The following ADNP variants were observed in gnomAD, a reference collection of about 807,000 sequenced individuals.
The protein encoded by ADNP is activity-dependent neuroprotector homeobox protein.
A neutral mutation model predicts 84.9 loss-of-function variants in ADNP; 4 were observed. That is an observed-to-expected ratio of 0.05 (90% CI 0.02 to 0.11). The LOEUF (loss-of-function observed/expected upper bound fraction) is 0.11. ADNP is among the 10% of genes least tolerant of loss of function. ADNP has a pLI of 1.00. For synonymous variants in ADNP, 554 were observed against 468.1 expected, an observed-to-expected ratio of 1.18 and a Z score of -2.37; for missense variants, 1,132 against 1,326.0, an observed-to-expected ratio of 0.85 and a Z score of 2.27.
intron 2 of ADNP, among the ~76,000 whole-genome samples, chr20:50,911,123 C>G (rs1030039256): frequency 1.3e-5 from 2 of 152,202 alleles, no homozygotes; most frequent in African/African-American, 4.8e-5. Flanking sequence ...AGTCAGACAG[C>G]TGGAATGAAA....
At chr20:50,927,944 ACAC>A (rs1048865884) in intron 2 of ADNP, among the ~76,000 whole-genome samples, 1 of 152,262 alleles carries the variant, frequency 6.6e-6, no homozygotes, top group Non-Finnish European at 1.5e-5. Flanking sequence ...TGCATATAAA[ACAC>A]CAAATAAAGA....
chr20:50,896,819 T>TA (rs1981444630), intron 5 of ADNP, among the ~76,000 whole-genome samples: 2 of 152,236 alleles, frequency 1.3e-5, no homozygotes, highest in South Asian at 4.1e-4. Context: ...TTACCAAGAA[T>TA]AAGCCCACGG....
Position 50,931,226 on chromosome 20 carries a change from G to C in ADNP, c.-665C>G, listed in dbSNP as rs1006549821. On this transcript the variant is annotated 5_prime_UTR_variant, in exon 1 of 6. Transcript: ENST00000621696. ...CCCTTAGCGCTGCCTGCGGGAGGGG[G>C]AGGGGGCACAAGATGGCGGCGGCCG... 2.1e-5 allele frequency: 3 copies of C among 143,232 alleles called. No homozygotes were observed. The highest frequency in any genetic ancestry group is 7.7e-5 in the African/African-American group (3 of 38,952). 8.9% of individuals were successfully genotyped at this position (143,232 alleles called of 1,614,324 possible).
chr20:50,917,589 A>AATACTCTAAGCATGTTCCC (rs1983613069), intron 2 of ADNP, among the ~76,000 whole-genome samples: 1 of 152,198 alleles, frequency 6.6e-6, no homozygotes, highest in Non-Finnish European at 1.5e-5. Context: ...TGTTCTTCTG[A>AATACTCTAAGCATGTTCCC]AAGTCCCTTG....
chr20:50,902,590 G>C (rs1454446564), intron 4 of ADNP, among the ~76,000 whole-genome samples: 1 of 152,102 alleles, frequency 6.6e-6, no homozygotes, highest in African/African-American at 2.4e-5. Flanking sequence ...AAGGCAGAAA[G>C]AAAGCTATTC....
chr20:50,930,780 A>AGGCAG (rs1386547205), intron 1 of ADNP, 46 bp downstream of exon 1: 1 of 149,454 alleles, frequency 6.7e-6, no homozygotes, highest in Non-Finnish European at 1.5e-5. Flanking sequence ...TCGGGAAGCC[A>AGGCAG]GGCAGGGCAG....
At chr20:50,907,434 T>A (rs1488520464) in intron 2 of ADNP, among the ~76,000 whole-genome samples, 1 of 151,940 alleles carries the variant, frequency 6.6e-6, no homozygotes, top group Admixed American at 6.6e-5. Flanking sequence ...ATCGTGCTAA[T>A]TTTTGTATTT....
In ADNP at chr20:50,908,188, T is replaced by G. The variant is rs892535344; in HGVS notation, c.-89-3339A>C. 2.0e-5 allele frequency among the ~76,000 whole-genome samples: 3 copies of G among 147,526 alleles called. No homozygotes were observed. In the East Asian group the frequency reaches 6.0e-4, roughly 30 times the overall value. On this transcript the variant is annotated intron_variant, in intron 2 of 5. Transcript: ENST00000621696. ...TTTTTGCTTTAAATACTTTTCTCAG[T>G]AGATAAAACAAGCACACAATTCAGA...
At chr20:50,930,145 T>C (rs1387804804) in intron 1 of ADNP, among the ~76,000 whole-genome samples, 1 of 152,150 alleles carries the variant, frequency 6.6e-6, no homozygotes, top group Non-Finnish European at 1.5e-5. Flanking sequence ...AAAATCTTTT[T>C]GCAGCTCTCT....
intron 2 of ADNP, among the ~76,000 whole-genome samples, chr20:50,919,721 AT>A (rs2122964830): frequency 6.6e-6 from 1 of 152,316 alleles, no homozygotes; most frequent in South Asian, 2.1e-4. Flanking sequence ...AAGAATCTGC[AT>A]TTACTGCAAA....
rs756518915 is a variant in ADNP at position 50,893,729 on chromosome 20, G to C, written c.985C>G (p.Gln329Glu). 5.0e-6 allele frequency: 8 copies of C among 1,614,056 alleles called. No individual in the cohort carries two copies. The Admixed American group carries it at 1.3e-4, about 27-fold the overall frequency. The change falls in exon 6 of 6, where the codon CAG becomes GAG. Residue 329 changes from glutamine (Q) to glutamate (E), a missense_variant. Coordinates refer to ENST00000621696, the MANE Select transcript of ADNP (RefSeq NM_001282531.3). The surrounding 1 kb of genome is among the most constrained non-coding windows in gnomAD (Gnocchi z 4.4). ...VNMMSSVHLQQNNYGVKSVGQ... is the reference protein window; with the variant it reads ...VNMMSSVHLQENNYGVKSVGQ... ...ACAGATTTGACTCCATAGTTGTTCTGCTGCAGATGAACACTGGACATCATG... is the reference window on the plus strand; with the variant it reads ...ACAGATTTGACTCCATAGTTGTTCTCCTGCAGATGAACACTGGACATCATG...
At chr20:50,901,152 C>T (rs1317175570) in intron 5 of ADNP, among the ~76,000 whole-genome samples, 4 of 151,916 alleles carry the variant, frequency 2.6e-5, no homozygotes, top group South Asian at 2.1e-4. Flanking sequence ...GTTTCAGATA[C>T]TGGTTTGAAC....
chr20:50,892,932 CTGTGGCTTTGGA>C lies in ADNP; in HGVS notation c.1770_1781del (p.Pro593_Lys596del). The C allele has an allele frequency of 1.2e-6, 2 of 1,614,212 alleles. No individual in the cohort carries two copies. The highest frequency in any genetic ancestry group is 2.2e-5 in the South Asian group (2 of 91,086). Reference sequence around the variant, plus strand: ...TATCTGCCTTTTCCTGAACCTTTGGCTGTGGCTTTGGAGGAACTGGAGGATTATTTTGGGCAT... The same window carrying C: ...TATCTGCCTTTTCCTGAACCTTTGGCGGAACTGGAGGATTATTTTGGGCAT... On this transcript the variant is annotated inframe_deletion, in exon 6 of 6. Transcript: ENST00000621696.
intron 2 of ADNP, among the ~76,000 whole-genome samples, chr20:50,905,725 TG>T (rs1282428824): frequency 6.6e-6 from 1 of 152,238 alleles, no homozygotes; most frequent in Non-Finnish European, 1.5e-5. Flanking sequence ...GCAATGACTA[TG>T]GTGTCCCCTG....
chr20:50,918,166 CT>C (rs11484137), intron 2 of ADNP, among the ~76,000 whole-genome samples: 11 of 151,372 alleles, frequency 7.3e-5, no homozygotes, highest in Non-Finnish European at 1.5e-4. Context: ...TAAACACATT[CT>C]TTTTTTTTAA....
intron 2 of ADNP, among the ~76,000 whole-genome samples, chr20:50,926,532 G>A (rs1037246545): frequency 6.6e-6 from 1 of 151,904 alleles, no homozygotes; most frequent in Non-Finnish European, 1.5e-5. Context: ...GTTTAATTCT[G>A]GTATTTTTTT....
Position 50,892,467 on chromosome 20 carries a change from A to C in ADNP, c.2247T>G (p.Pro749=). ...PSFFEEKPEE[P]VVLALDPKGH... is the part of the protein sequence containing the mutation. ...CCTTGGGGTCTAAAGCTAAAACAAC[A>C]GGCTCTTCAGGCTTCTCTTCAAAGA... The change falls in exon 6 of 6, where the codon CCT becomes CCG. Residue 749 remains proline, a synonymous_variant. Coordinates refer to ENST00000621696, the MANE Select transcript of ADNP (RefSeq NM_001282531.3). 1 of 1,614,168 alleles carries C rather than the reference A, an allele frequency of 6.2e-7. No individual in the cohort carries two copies. Among genetic ancestry groups the C allele is most frequent in the Non-Finnish European group, 8.5e-7 (1 of 1,180,030 alleles).
At chr20:50,908,408 CTA>C (rs1491372595) in intron 2 of ADNP, among the ~76,000 whole-genome samples, 1 of 152,148 alleles carries the variant, frequency 6.6e-6, no homozygotes, top group African/African-American at 2.4e-5. Context: ...GAGAAGGACC[CTA>C]TGTTTCTTTG....
intron 5 of ADNP, among the ~76,000 whole-genome samples, chr20:50,898,193 T>A (rs558906830): frequency 6.6e-6 from 1 of 152,328 alleles, no homozygotes; most frequent in African/African-American, 2.4e-5. Context: ...TCAGCTTATC[T>A]AGAGTTTCCC....
Sources: gnomAD v4.1 joint callset for allele counts (sites outside exome capture counted in the v4.1 genomes callset) on GRCh38, gnomAD v4.1.1 for gene constraint, Gnocchi (gnomAD v3.1) non-coding constraint, MANE v1.5 for transcripts, NCBI Gene and HGNC (gene_info 2026-07-23, HGNC 2026-07-21) for gene names.